The following PPP2R3B variants were observed in gnomAD, a reference collection of about 807,000 sequenced individuals.
PPP2R3B encodes serine/threonine-protein phosphatase 2A regulatory subunit B'' subunit beta.
In PPP2R3B, 68 loss-of-function variants were observed where a neutral mutation model predicts 72.9. The ratio of observed to expected loss-of-function variants is 0.93; its 90% CI spans 0.77 to 1.14. PPP2R3B has a LOEUF of 1.14. Ranked by LOEUF, PPP2R3B falls within the 50% of genes most tolerant of loss-of-function variation. The pLI is 0.00. For missense variants in PPP2R3B, 1,018 were observed against 842.0 expected (o/e 1.21, Z -2.59); for synonymous variants, 466 against 375.8 (o/e 1.24, Z -2.78).
chrX:378,796 C>T lies in PPP2R3B; in HGVS notation c.324+7572G>A, dbSNP rs180857497. ...CCTCACAACGAGACTCTCATCGGTG[C>T]CCACTATGAAAACGTGAATAGGTCG... is the stretch of plus-strand genomic sequence containing the variant. On this transcript the variant is annotated intron_variant, in intron 1 of 12. Transcript: ENST00000390665. 1.0e-2 allele frequency among the ~76,000 whole-genome samples: 1,518 copies of T among 152,230 alleles called. 12 individuals are homozygous for T. Among genetic ancestry groups the T allele is most frequent in the Non-Finnish European group, 0.014 (983 of 67,998 alleles).
At chrX:344,983 G>A (rs964946032) in intron 7 of PPP2R3B, 1 of 356,876 alleles carries the variant, frequency 2.8e-6, no homozygotes, top group Non-Finnish European at 5.5e-6. Context: ...CAGGCCACAG[G>A]CCGCTTTGAG....
chrX:347,633 T>C lies in PPP2R3B; in HGVS notation c.571A>G (p.Thr191Ala), dbSNP rs1479090902. The C allele has an allele frequency of 1.3e-6, 2 of 1,575,534 alleles. No individual in the cohort carries two copies. Among genetic ancestry groups the C allele is most frequent in the Admixed American group, 3.7e-5 (2 of 54,240 alleles). The part of the protein sequence containing the change: ...PLFYGAGGER[T>A]GSVSVHKFVA... ...AACTTGTGGACGGACACGGAGCCCG[T>C]GCGCTCCCCGCCGGCGCCATAGAAG... Residue 191 changes from threonine to alanine, a missense_variant, in exon 3 of 13, where the codon ACG becomes GCG. By Grantham distance (58) the Thr-to-Ala change is moderately conservative. Transcript: ENST00000390665.
At chrX:341,642 G>A (rs1188328676) in intron 8 of PPP2R3B, 8 of 646,358 alleles carry the variant, frequency 1.2e-5, no homozygotes, top group African/African-American at 3.7e-5. Flanking sequence ...CCCAGCGCCC[G>A]ACAAGAACCC....
rs760701462 is a variant in PPP2R3B at position 341,366 on chromosome X, G to C, written c.1116C>G (p.Ile372Met). The change falls in exon 9 of 13, where the codon ATC (isoleucine) becomes ATG (methionine). Residue 372 changes from isoleucine (I) to methionine (M), a missense_variant. Physicochemically the swap from Ile to Met is conservative, Grantham distance 10. Transcript: ENST00000390665. ...AAAACCAGACAAAGTCGGCATAGCT[G>C]ATCTTCCCTTCCTTCTGCACTTTTC... ...RGRKVQKEGK[I>M]SYADFVWFLI... 1.4e-5 allele frequency: 22 copies of C among 1,612,746 alleles called. No homozygotes were observed. Among genetic ancestry groups the C allele is most frequent in the Non-Finnish European group, 4.2e-6 (5 of 1,179,740 alleles).
chrX:360,030 G>A (rs1290700140), intron 2 of PPP2R3B, among the ~76,000 whole-genome samples: 9 of 152,068 alleles, frequency 5.9e-5, no homozygotes, highest in African/African-American at 1.2e-4. Context: ...TTTCAGACCC[G>A]TATTGCCCTA....
intron 7 of PPP2R3B, among the ~76,000 whole-genome samples, chrX:344,192 G>GAA (rs2071143544): frequency 1.1e-5 from 1 of 94,914 alleles, no homozygotes; most frequent in Admixed American, 1.0e-4. Context: ...AGGCGGGAGT[G>GAA]AGACCTCAGC....
chrX:356,924 G>A (rs1369858618), intron 2 of PPP2R3B, among the ~76,000 whole-genome samples: 2 of 149,070 alleles, frequency 1.3e-5, no homozygotes, highest in Non-Finnish European at 3.0e-5. Context: ...CCACGCCTTC[G>A]CCAGCCACAC....
chrX:385,662 G>A (rs1487996940), intron 1 of PPP2R3B, among the ~76,000 whole-genome samples: 4 of 152,152 alleles, frequency 2.6e-5, no homozygotes, highest in South Asian at 2.1e-4. Context: ...TTAGCCTGGC[G>A]TGATGGTGCA....
intron 7 of PPP2R3B, chrX:342,194 A>T: frequency 1.7e-6 from 1 of 596,680 alleles, no homozygotes; most frequent in Non-Finnish European, 3.0e-6. Context: ...AAAGAGCAGA[A>T]TATTCAGGCC....
rs1449806599 is a variant in PPP2R3B, at chrX:386,472, G to A, written c.220C>T (p.Pro74Ser). The change falls in exon 1 of 13, where the codon CCG (proline) becomes TCG (serine). Residue 74 changes from proline (P) to serine (S), a missense_variant. Coordinates refer to ENST00000390665, the MANE Select transcript of PPP2R3B (RefSeq NM_013239.5). ...AAPRPSGLEP[P>S]GTPGPGPALP... ...GCAGGGCCCGGCCCGGGGGTTCCCG[G>A]GGGTTCGAGCCCGCTGGGCCGGGGG... 7.8e-7 allele frequency: 1 copy of A among 1,286,598 alleles called. No homozygotes were observed. The highest frequency in any genetic ancestry group is 3.1e-5 in the South Asian group (1 of 31,816). 79.7% of individuals were successfully genotyped at this position (1,286,598 alleles called of 1,614,324 possible). A position where few individuals can be genotyped will look rare whatever the true frequency, so the allele number is the denominator to read the frequency against.
chrX:338,973 C>T (rs2070975709), intron 10 of PPP2R3B, 77 bp from the exon 11 acceptor site: 1 of 1,195,086 alleles, frequency 8.4e-7, no homozygotes, highest in Non-Finnish European at 1.2e-6. Flanking sequence ...TGCGCGCGTC[C>T]TGTCACACGT....
At chrX:371,932 T>C (rs2071875207) in intron 1 of PPP2R3B, among the ~76,000 whole-genome samples, 1 of 151,954 alleles carries the variant, frequency 6.6e-6, no homozygotes, top group South Asian at 2.1e-4. Context: ...TTCTGTAAAA[T>C]GAAGCAAACT....
chrX:350,344 C>T (rs1328575758), intron 2 of PPP2R3B, among the ~76,000 whole-genome samples: 3 of 152,210 alleles, frequency 2.0e-5, no homozygotes, highest in East Asian at 1.9e-4. Context: ...GTTTCTTTCA[C>T]GGGCCACACG....
intron 1 of PPP2R3B, among the ~76,000 whole-genome samples, chrX:378,858 C>T (rs1436763615): frequency 6.6e-6 from 1 of 152,206 alleles, no homozygotes; most frequent in African/African-American, 2.4e-5. Flanking sequence ...CGCAGACAGG[C>T]ACGCACCTGT....
Position 386,497 on chromosome X carries a change from G to T in PPP2R3B, c.195C>A (p.Ala65=). ...PGAWPTAPLA[A]PRPSGLEPPG... ...GGGGTTCGAGCCCGCTGGGCCGGGG[G>T]GCGGCGAGCGGGGCTGTGGGCCAGG... The change falls in exon 1 of 13, where the codon GCC becomes GCA. Residue 65 remains alanine, a synonymous_variant. Transcript: ENST00000390665. 7.7e-7 allele frequency: 1 copy of T among 1,290,482 alleles called. No homozygotes were observed. 79.9% of individuals were successfully genotyped at this position (1,290,482 alleles called of 1,614,324 possible). A position where few individuals can be genotyped will look rare whatever the true frequency, so the allele number is the denominator to read the frequency against.
At chrX:370,690 C>T (rs1336318819) in intron 1 of PPP2R3B, among the ~76,000 whole-genome samples, 1 of 152,188 alleles carries the variant, frequency 6.6e-6, no homozygotes, top group Non-Finnish European at 1.5e-5. Context: ...TGCCACTGCC[C>T]AGGGAGTGGC....
chrX:346,069 G>A lies in PPP2R3B; in HGVS notation c.879+105C>T, dbSNP rs2071201226. ...TGGGGGTGGGGGTGGGGGTGGGAGA[G>A]GGGGTGGGAGGGGAGGAGGGAGGGG... On this transcript the variant is annotated intron_variant, in intron 6 of 12. Coordinates refer to ENST00000390665, the MANE Select transcript of PPP2R3B (RefSeq NM_013239.5). 80 of 538,192 alleles carry A rather than the reference G, an allele frequency of 1.5e-4. No homozygotes were observed. The East Asian group carries it at 2.1e-3, about 14-fold the overall frequency. 33.3% of individuals were successfully genotyped at this position (538,192 alleles called of 1,614,324 possible). A position where few individuals can be genotyped will look rare whatever the true frequency, so the allele number is the denominator to read the frequency against.
At chrX:384,278 C>CTATA (rs200957201) in intron 1 of PPP2R3B, among the ~76,000 whole-genome samples, 16 of 148,396 alleles carry the variant, frequency 1.1e-4, no homozygotes, top group African/African-American at 2.5e-4. Flanking sequence ...CTCTCTCTCT[C>CTATA]TCTCTATATA....
At chrX:344,340 C>T (rs62581476) in intron 7 of PPP2R3B, among the ~76,000 whole-genome samples, 116,638 of 147,182 alleles carry the variant, frequency 0.79, 46,518 homozygotes, top group Middle Eastern at 0.84. Flanking sequence ...ACCTCACCAA[C>T]GGGAGGCAGG....
Sources: allele counts gnomAD v4.1 joint callset (sites outside exome capture counted in the v4.1 genomes callset), GRCh38; gene constraint gnomAD v4.1.1; transcripts MANE v1.5; gene names NCBI Gene and HGNC (gene_info 2026-07-23, HGNC 2026-07-21).